The following USP30 variants were observed in gnomAD, a reference collection of about 807,000 sequenced individuals.
USP30 encodes ubiquitin specific peptidase 30.
A neutral mutation model predicts 68.2 loss-of-function variants in USP30; 41 were observed. That is an observed-to-expected ratio of 0.60 (90% CI 0.47 to 0.78). USP30 has a LOEUF of 0.78. USP30 is among the 30% of genes least tolerant of loss of function. The probability of loss-of-function intolerance (pLI) is 0.00; values close to 1 mark genes in which losing one functional copy is unlikely to be tolerated. For missense variants in USP30, 522 were observed against 649.4 expected, an observed-to-expected ratio of 0.80 and a Z score of 2.13; for synonymous variants, 229 against 253.7, an observed-to-expected ratio of 0.90 and a Z score of 0.93.
upstream of USP30, chr12:109,052,444 G>A: frequency 7.6e-6 from 3 of 393,690 alleles, no homozygotes; most frequent in Non-Finnish European, 1.3e-5. Context: ...CGTAGCAACC[G>A]ACGCCGGGGC....
intron 4 of USP30, among the ~76,000 whole-genome samples, chr12:109,069,807 G>A (rs2041376674): frequency 6.6e-6 from 1 of 152,150 alleles, no homozygotes; most frequent in Non-Finnish European, 1.5e-5. Context: ...CTCCAGGTAG[G>A]GAGGCTCCTC....
intron 3 of USP30, among the ~76,000 whole-genome samples, chr12:109,033,457 A>G (rs2040496557): frequency 1.3e-5 from 2 of 152,198 alleles, no homozygotes; most frequent in Non-Finnish European, 2.9e-5. Context: ...CACTGGTTTC[A>G]GGTTACAGCA....
At chr12:109,035,346 A>ATTTAT (rs201681439) in intron 3 of USP30, among the ~76,000 whole-genome samples, 21,706 of 150,726 alleles carry the variant, frequency 0.14, 1,674 homozygotes, top group Middle Eastern at 0.23. Flanking sequence ...CAATTTGTTT[A>ATTTAT]TTTATTTTAT....
chr12:109,046,905 C>T (rs2040610079), intron 3 of USP30, among the ~76,000 whole-genome samples: 1 of 152,164 alleles, frequency 6.6e-6, no homozygotes, highest in South Asian at 2.1e-4. Flanking sequence ...CCATGTTGGC[C>T]AGGCTGGTCT....
At position 109,052,632 on chromosome 12, in the gene USP30, G is replaced by GGCGGCGGCGGCC; in HGVS notation, c.-40_-39insCGGCCGCGGCGG. 4 of 1,452,094 alleles carry GGCGGCGGCGGCC rather than the reference G, an allele frequency of 2.8e-6. No homozygotes were observed. In the East Asian group the frequency reaches 1.2e-4, roughly 42 times the overall value. The allele number at this position is 1,452,094 out of a possible 1,614,324, so 90.0% of individuals were successfully genotyped here. A position where few individuals can be genotyped will look rare whatever the true frequency, so the allele number is the denominator to read the frequency against. On this transcript the variant is annotated 5_prime_UTR_variant, in exon 1 of 13. Transcript: ENST00000257548. ...TCGTATCCCTCGGTCCGGCGGCGGC[G>GGCGGCGGCGGCC]GCGGCGGTAGCGGAGGAGACGGTTT...
At chr12:109,078,359 T>C (rs1004099360) in intron 7 of USP30, among the ~76,000 whole-genome samples, 85 of 150,834 alleles carry the variant, frequency 5.6e-4, no homozygotes, top group Non-Finnish European at 4.4e-5. Flanking sequence ...AGGAGGCCGA[T>C]GTTGTGGTGA....
In USP30 at chr12:109,067,453, T is replaced by C. The variant is rs2041293877; in HGVS notation, c.377-71T>C. ...ATTTTTAATTAACTTTGATATGTTATACTGTGCAAGTTTTCTGGTTAGTTG... is the reference window on the plus strand; with the variant it reads ...ATTTTTAATTAACTTTGATATGTTACACTGTGCAAGTTTTCTGGTTAGTTG... On this transcript the variant is annotated intron_variant, in intron 3 of 12. Transcript: ENST00000257548. The C allele has an allele frequency of 1.7e-5, 23 of 1,361,614 alleles. No homozygotes were observed. The South Asian group carries it at 2.0e-4, about 12-fold the overall frequency. 84.3% of individuals were successfully genotyped at this position (1,361,614 alleles called of 1,614,324 possible). A position where few individuals can be genotyped will look rare whatever the true frequency, so the allele number is the denominator to read the frequency against.
In USP30 at chr12:109,052,577, C is replaced by A; in HGVS notation, c.-102C>A. On this transcript the variant is annotated 5_prime_UTR_variant, in exon 1 of 13. Transcript: ENST00000257548. ...ACGTTCCCCCGAGGTGCTGGGACTG[C>A]GGCCGCAGGTTCCGCTGTCTCGGGA... 1 of 1,226,270 alleles carries A rather than the reference C, an allele frequency of 8.2e-7. No individual in the cohort carries two copies. The highest frequency in any genetic ancestry group is 1.1e-6 in the Non-Finnish European group (1 of 934,310). The allele number at this position is 1,226,270 out of a possible 1,614,324, so 76.0% of individuals were successfully genotyped here.
chr12:109,085,669 C>T lies in USP30; in HGVS notation c.1292C>T (p.Ser431Phe), dbSNP rs1248793482. The change falls in exon 13 of 13, where the codon TCC (serine) becomes TTC (phenylalanine). Residue 431 changes from serine (S) to phenylalanine (F), a missense_variant and splice_region_variant. Transcript: ENST00000257548. ...TGACATGTGTTCGTATCATTCAGCTCCTCCACATACCTCTTCCGGCTGATG... is the reference window on the plus strand; with the variant it reads ...TGACATGTGTTCGTATCATTCAGCTTCTCCACATACCTCTTCCGGCTGATG... ...FPLPVVPDYS[S>F]STYLFRLMAV... 6.2e-7 allele frequency: 1 copy of T among 1,614,000 alleles called. No individual in the cohort carries two copies. Among genetic ancestry groups the T allele is most frequent in the Non-Finnish European group, 8.5e-7 (1 of 1,179,910 alleles).
At chr12:109,044,988 C>CTCTTT (rs2040591946) in intron 3 of USP30, among the ~76,000 whole-genome samples, 1 of 100,188 alleles carries the variant, frequency 1.0e-5, no homozygotes, top group African/African-American at 3.6e-5. Flanking sequence ...GGTCAAACAT[C>CTCTTT]TTTTTTTTTT....
Position 109,056,754 on chromosome 12 carries a change from T to A in USP30, c.156T>A (p.Ile52=). ...AAALAAGIYV[I]WGPITERKKR... is the part of the protein sequence containing the mutation. ...CTCTTGCAGCAGGAATATATGTTAT[T>A]TGGGGTCCCATTACAGAAAGAAAGA... is the stretch of plus-strand genomic sequence containing the variant. Residue 52 remains isoleucine (I), a synonymous_variant, in exon 2 of 13, where the codon ATT becomes ATA. Transcript: ENST00000257548. 1.2e-6 allele frequency: 2 copies of A among 1,613,248 alleles called. No individual in the cohort carries two copies. The highest frequency in any genetic ancestry group is 1.7e-6 in the Non-Finnish European group (2 of 1,179,746).
chr12:109,037,321 C>T (rs1408920862), intron 3 of USP30, among the ~76,000 whole-genome samples: 1 of 152,052 alleles, frequency 6.6e-6, no homozygotes, highest in Non-Finnish European at 1.5e-5. Flanking sequence ...AGACATTGTT[C>T]TCATTCTTTC....
chr12:109,050,002 C>A (rs888052586), upstream of USP30, among the ~76,000 whole-genome samples: 3 of 151,424 alleles, frequency 2.0e-5, no homozygotes, highest in Non-Finnish European at 4.4e-5. Context: ...TGCAATAAAA[C>A]AAGATATGCC....
At chr12:109,082,482 T>C (rs550485966) in intron 9 of USP30, 181 bp from the exon 10 acceptor site, 42 of 608,676 alleles carry the variant, frequency 6.9e-5, no homozygotes, top group Middle Eastern at 3.4e-4. Context: ...ACTGTTTCTG[T>C]TATTTAATGA....
intron 3 of USP30, among the ~76,000 whole-genome samples, chr12:109,035,495 T>A (rs1186293358): frequency 6.6e-6 from 1 of 151,928 alleles, no homozygotes; most frequent in African/African-American, 2.4e-5. Flanking sequence ...TCCTGAGTAG[T>A]TGGGACTACA....
At chr12:109,077,256 A>G (rs1400705520) in intron 7 of USP30, among the ~76,000 whole-genome samples, 1 of 152,194 alleles carries the variant, frequency 6.6e-6, no homozygotes, top group Non-Finnish European at 1.5e-5. Flanking sequence ...AATAGGCTGG[A>G]AAATGTTCCT....
chr12:109,085,380 GGGTCATGCACTCTATAAA>G (rs1192097477), intron 12 of USP30, among the ~76,000 whole-genome samples: 3 of 152,026 alleles, frequency 2.0e-5, no homozygotes, highest in African/African-American at 7.2e-5. Flanking sequence ...TAAACACTTA[GGGTCATGCACTCTATAAA>G]GTTGTACATC....
At chr12:109,041,330 C>A (rs1395763467) in intron 3 of USP30, among the ~76,000 whole-genome samples, 1 of 152,056 alleles carries the variant, frequency 6.6e-6, no homozygotes, top group Non-Finnish European at 1.5e-5. Flanking sequence ...CTTGCTGGGG[C>A]TTCATGATTT....
At chr12:109,077,671 C>T (rs1381526395) in intron 7 of USP30, among the ~76,000 whole-genome samples, 5 of 152,150 alleles carry the variant, frequency 3.3e-5, no homozygotes, top group Admixed American at 6.5e-5. Flanking sequence ...AGATTTAGGT[C>T]TGCCATTTTA....
Sources: allele counts gnomAD v4.1 joint callset (sites outside exome capture counted in the v4.1 genomes callset), GRCh38; gene constraint gnomAD v4.1.1; transcripts MANE v1.5; gene names NCBI Gene and HGNC (gene_info 2026-07-23, HGNC 2026-07-21).